Variants in ARRB1 observed in about 807,000 individuals in gnomAD.
ARRB1 encodes arrestin beta 1.
Under a neutral mutation model 56.8 loss-of-function variants are expected in ARRB1, and 21 were observed. That is an observed-to-expected ratio of 0.37 (90% CI 0.26 to 0.53). The LOEUF is 0.53. Ranked by LOEUF, ARRB1 falls within the 20% of genes least tolerant of loss-of-function variation. The pLI is 0.88. For synonymous variants in ARRB1, 210 were observed against 218.6 expected (o/e 0.96, Z 0.35); for missense variants, 424 against 553.7 (o/e 0.77, Z 2.35).
intron 1 of ARRB1, among the ~76,000 whole-genome samples, chr11:75,318,128 T>C (rs1419326796): frequency 6.8e-6 from 1 of 147,940 alleles, no homozygotes; most frequent in Non-Finnish European, 1.5e-5. Flanking sequence ...GATGTCGGCC[T>C]GGGAATAAGC....
At chr11:75,301,657 G>C (rs1314674296) in intron 1 of ARRB1, among the ~76,000 whole-genome samples, 6 of 152,198 alleles carry the variant, frequency 3.9e-5, no homozygotes, top group African/African-American at 1.4e-4. Context: ...CCTACATTCT[G>C]ACCCACTTTC....
At chr11:75,325,589 T>C (rs1947417642) in intron 1 of ARRB1, among the ~76,000 whole-genome samples, 1 of 152,148 alleles carries the variant, frequency 6.6e-6, no homozygotes, top group Non-Finnish European at 1.5e-5. Context: ...TCCCAAAGTG[T>C]TGGGATTATA....
At position 75,332,249 on chromosome 11, in the gene ARRB1, T is replaced by A. The variant is rs559246385; in HGVS notation, c.20+19339A>T. On this transcript the variant is annotated intron_variant, in intron 1 of 15. Coordinates refer to ENST00000420843, the MANE Select transcript of ARRB1 (RefSeq NM_004041.5). ...CTCTTCACAGGGATGTGTGTGACAA[T>A]TGCGAGATAAGGAAGAAAATCAGAA... 2.7e-3 allele frequency among the ~76,000 whole-genome samples: 408 copies of A among 152,330 alleles called. 2 individuals are homozygous for A. The highest frequency in any genetic ancestry group is 6.9e-3 in the Admixed American group (106 of 15,302).
chr11:75,301,142 CAAAA>C (rs1358825736), intron 1 of ARRB1, among the ~76,000 whole-genome samples: 1 of 78,626 alleles, frequency 1.3e-5, no homozygotes, highest in Non-Finnish European at 2.7e-5. Context: ...GACTCCATCT[CAAAA>C]AAAAAAAAAA....
At chr11:75,274,265 C>T (rs1946142655) in intron 10 of ARRB1, 54 bp from the exon 11 acceptor site, 5 of 1,599,160 alleles carry the variant, frequency 3.1e-6, no homozygotes, top group East Asian at 2.2e-5. Flanking sequence ...CCAACCCCAG[C>T]CCTGATCTCC....
chr11:75,297,500 T>C (rs1946779912), intron 1 of ARRB1, among the ~76,000 whole-genome samples: 1 of 152,112 alleles, frequency 6.6e-6, no homozygotes, highest in African/African-American at 2.4e-5. Context: ...CAACAAATGA[T>C]GCTAGGACAA....
At chr11:75,271,843 A>T (rs1460932845) in intron 12 of ARRB1, 119 bp from the exon 13 acceptor site, 4 of 1,087,022 alleles carry the variant, frequency 3.7e-6, no homozygotes, top group Non-Finnish European at 5.3e-6. Flanking sequence ...CCCACGGGAC[A>T]CACTCCCACC....
intron 1 of ARRB1, chr11:75,312,024 C>T (rs763046872): frequency 7.8e-7 from 1 of 1,287,978 alleles, no homozygotes; most frequent in South Asian, 1.2e-5. Flanking sequence ...GATCGGAGGC[C>T]CTGCCCAGCC....
chr11:75,281,574 A>G (rs1388090408), intron 6 of ARRB1: 3 of 329,680 alleles, frequency 9.1e-6, no homozygotes, highest in African/African-American at 6.3e-5. Flanking sequence ...AGCTGGGCTC[A>G]AAGCTCTGGA....
At chr11:75,292,641 C>T (rs754210625) in intron 1 of ARRB1, among the ~76,000 whole-genome samples, 1 of 152,114 alleles carries the variant, frequency 6.6e-6, no homozygotes, top group Non-Finnish European at 1.5e-5. Flanking sequence ...GCCTCGGGAG[C>T]CCATGGTCTG....
chr11:75,331,382 A>G (rs1947516661), intron 1 of ARRB1, among the ~76,000 whole-genome samples: 1 of 152,074 alleles, frequency 6.6e-6, no homozygotes, highest in Non-Finnish European at 1.5e-5. Context: ...TCTACAAACC[A>G]TGAATTCTCA....
chr11:75,268,510 CAAAAAAAAAAAAAAAAA>C (rs61409833), intron 14 of ARRB1, among the ~76,000 whole-genome samples: 61 of 61,446 alleles, frequency 9.9e-4, no homozygotes, highest in African/African-American at 3.1e-3. Context: ...GTCTCAAAAC[CAAAAAAAAAAAAAAAAA>C]AAAAAAAAAG....
intron 1 of ARRB1, among the ~76,000 whole-genome samples, chr11:75,304,734 C>T (rs375692225): frequency 4.0e-5 from 6 of 151,706 alleles, no homozygotes; most frequent in African/African-American, 1.2e-4. Context: ...AAACCCCCCG[C>T]AAAGGATCTC....
intron 5 of ARRB1, among the ~76,000 whole-genome samples, chr11:75,282,972 C>T (rs2236710): frequency 5.9e-5 from 9 of 152,128 alleles, no homozygotes; most frequent in African/African-American, 1.9e-4. Context: ...AGCGGGAAAC[C>T]CCTTGCAGTG....
chr11:75,272,285 T>C (rs1215019515), intron 12 of ARRB1, among the ~76,000 whole-genome samples: 1 of 152,116 alleles, frequency 6.6e-6, no homozygotes, highest in Non-Finnish European at 1.5e-5. Context: ...AACACAGTAG[T>C]TTGTTTGTTT....
chr11:75,271,565 C>T, intron 13 of ARRB1, 136 bp downstream of exon 13: 1 of 961,504 alleles, frequency 1.0e-6, no homozygotes, highest in Non-Finnish European at 1.5e-6. Context: ...TCTCCCAGCT[C>T]ACACCTGAAC....
Position 75,284,276 on chromosome 11 carries a change from C to A in ARRB1, c.116G>T (p.Gly39Val). The A allele has an allele frequency of 6.2e-7, 1 of 1,607,726 alleles. No homozygotes were observed. The highest frequency in any genetic ancestry group is 8.5e-7 in the Non-Finnish European group (1 of 1,175,648). ...ATACTCAGGATCCACCAGGACCACA[C>A]CATCTGGGGAAAGGACAGAGAGTAA... is the stretch of plus-strand genomic sequence containing the variant. Reference protein sequence around the residue: ...DHIDLVDPVDGVVLVDPEYLK... With the variant: ...DHIDLVDPVDVVVLVDPEYLK... The change falls in exon 4 of 16, where the codon GGT (glycine) becomes GTT (valine). Residue 39 changes from glycine to valine, a missense_variant. Coordinates refer to ENST00000420843, the MANE Select transcript of ARRB1 (RefSeq NM_004041.5).
chr11:75,269,059 C>CAA, intron 13 of ARRB1, 100 bp from the exon 14 acceptor site: 1 of 1,332,896 alleles, frequency 7.5e-7, no homozygotes, highest in East Asian at 2.3e-5. Context: ...GAGGGTTTTG[C>CAA]CGTCAGAGGA....
chr11:75,267,604 C>G, intron 15 of ARRB1, 48 bp downstream of exon 15: 1 of 1,238,326 alleles, frequency 8.1e-7, no homozygotes, highest in Non-Finnish European at 1.2e-6. Flanking sequence ...CTCCACCCCG[C>G]CCACCCGCGG....
Sources: allele counts gnomAD v4.1 joint callset (sites outside exome capture counted in the v4.1 genomes callset), GRCh38; gene constraint gnomAD v4.1.1; transcripts MANE v1.5; gene names NCBI Gene and HGNC (gene_info 2026-07-23, HGNC 2026-07-21).